The following CALN1 variants were observed in gnomAD, a reference collection of about 807,000 sequenced individuals.
CALN1 encodes the protein calcium-binding protein 8.
CALN1 carries 17 observed loss-of-function variants against 30.6 expected under a neutral mutation model. The ratio of observed to expected loss-of-function variants is 0.56; its 90% CI spans 0.38 to 0.83. CALN1 has a LOEUF of 0.83. CALN1 is among the 40% of genes least tolerant of loss of function. The pLI, the probability that CALN1 is intolerant of heterozygous loss-of-function variation, is 0.00. For missense variants in CALN1, 291 were observed against 354.9 expected (o/e 0.82, Z 1.45); for synonymous variants, 156 against 131.4 (o/e 1.19, Z -1.28).
chr7:71,803,818 C>G (rs1787445785), intron 6 of CALN1, among the ~76,000 whole-genome samples: 1 of 151,970 alleles, frequency 6.6e-6, no homozygotes, highest in African/African-American at 2.4e-5. Context: ...GAGTTTCATC[C>G]CATTTATTCT....
chr7:71,914,782 T>C (rs979300650), intron 5 of CALN1, among the ~76,000 whole-genome samples: 1 of 152,192 alleles, frequency 6.6e-6, no homozygotes, highest in Non-Finnish European at 1.5e-5. Context: ...TTGATCTGCA[T>C]TTCTCTAATG....
At chr7:72,371,366 T>C (rs1804232580) in intron 2 of CALN1, among the ~76,000 whole-genome samples, 2 of 152,170 alleles carry the variant, frequency 1.3e-5, no homozygotes, top group African/African-American at 2.4e-5. Context: ...CCCCTAAACA[T>C]GTTGTGGAAG....
rs1362681808 is a variant in CALN1 at position 71,785,008 on chromosome 7, T to C, written c.*2767A>G. ...AACTGTCCAAGCAAAGCAGCCAGGG[T>C]GCAAGTCACCGGGACAAACTCTGAG... On this transcript the variant is annotated 3_prime_UTR_variant, in exon 7 of 7. Coordinates refer to ENST00000395275, the MANE Select transcript of CALN1 (RefSeq NM_031468.4). The C allele has an allele frequency of 1.3e-5, 5 of 396,366 alleles. No homozygotes were observed. The highest frequency in any genetic ancestry group is 6.2e-5 in the African/African-American group (3 of 48,558). The allele number at this position is 396,366 out of a possible 1,614,324, so 24.6% of individuals were successfully genotyped here.
chr7:71,853,224 G>A (rs1412881014), intron 5 of CALN1, among the ~76,000 whole-genome samples: 2 of 151,966 alleles, frequency 1.3e-5, no homozygotes, highest in African/African-American at 4.8e-5. Context: ...TTACAGGCAT[G>A]AGCCACTGCA....
At chr7:71,792,980 C>T (rs940634832) in intron 6 of CALN1, among the ~76,000 whole-genome samples, 7 of 151,918 alleles carry the variant, frequency 4.6e-5, no homozygotes, top group African/African-American at 1.7e-4. Flanking sequence ...TGAGCAATCG[C>T]CTGGAGAATT....
chr7:71,982,596 A>G (rs1002510759), intron 5 of CALN1, among the ~76,000 whole-genome samples: 2 of 152,230 alleles, frequency 1.3e-5, no homozygotes, highest in Non-Finnish European at 2.9e-5. Flanking sequence ...CTCTGTCGCA[A>G]AACAAAACAG....
At chr7:72,360,025 T>A (rs1246571499) in intron 2 of CALN1, among the ~76,000 whole-genome samples, 3 of 141,488 alleles carry the variant, frequency 2.1e-5, no homozygotes, top group Non-Finnish European at 4.6e-5. Flanking sequence ...AAAATGTGAA[T>A]GTCCCAAAAT....
At chr7:72,361,310 T>C (rs752415799) in intron 2 of CALN1, among the ~76,000 whole-genome samples, 2 of 152,056 alleles carry the variant, frequency 1.3e-5, no homozygotes, top group Non-Finnish European at 2.9e-5. Flanking sequence ...TACCACCTAC[T>C]ATGAAATCCA....
chr7:72,041,963 T>C (rs1460212421), intron 4 of CALN1, among the ~76,000 whole-genome samples: 2 of 152,190 alleles, frequency 1.3e-5, no homozygotes, highest in African/African-American at 2.4e-5. Context: ...ATTAAAGCTA[T>C]TTCCTTTATA....
intron 5 of CALN1, among the ~76,000 whole-genome samples, chr7:72,009,126 G>A (rs1799935434): frequency 6.6e-6 from 1 of 152,050 alleles, no homozygotes; most frequent in Non-Finnish European, 1.5e-5. Flanking sequence ...AAACAAAAAA[G>A]CAGTTTATGA....
At chr7:71,806,218 TGAA>T (rs201975268) in intron 6 of CALN1, among the ~76,000 whole-genome samples, 2,551 of 135,342 alleles carry the variant, frequency 0.019, 30 homozygotes, top group Non-Finnish European at 0.02. Context: ...GTAAAATTAA[TGAA>T]GAAGCCAGGT....
intron 1 of CALN1, among the ~76,000 whole-genome samples, chr7:72,441,635 G>A (rs1008414393): frequency 1.2e-4 from 18 of 147,528 alleles, no homozygotes; most frequent in Non-Finnish European, 2.2e-4. Context: ...GGGAGAATGA[G>A]CTATAAGTCT....
upstream of CALN1, among the ~76,000 whole-genome samples, chr7:72,416,037 G>A (rs1188345623): frequency 1.3e-5 from 2 of 152,022 alleles, no homozygotes; most frequent in Admixed American, 6.6e-5. Context: ...CGTTCCCTTC[G>A]CCCTACCCTT....
At chr7:72,345,372 G>C (rs1388618328) in intron 2 of CALN1, among the ~76,000 whole-genome samples, 4 of 105,656 alleles carry the variant, frequency 3.8e-5, no homozygotes, top group South Asian at 3.0e-4. Context: ...AAGGAAGGAA[G>C]GAGAAAGAAA....
chr7:72,333,890 G>C (rs1345940905), intron 2 of CALN1, among the ~76,000 whole-genome samples: 1 of 152,116 alleles, frequency 6.6e-6, no homozygotes, highest in South Asian at 2.1e-4. Flanking sequence ...TTCACTCAAC[G>C]AATATAGGGC....
At chr7:72,225,215 G>C (rs1562763848) in intron 3 of CALN1, among the ~76,000 whole-genome samples, 1 of 152,022 alleles carries the variant, frequency 6.6e-6, no homozygotes, top group Non-Finnish European at 1.5e-5. Flanking sequence ...AAGAGGCCGG[G>C]CTCGGCTTTC....
At chr7:72,083,852 T>C (rs919118148) in intron 4 of CALN1, among the ~76,000 whole-genome samples, 3 of 147,952 alleles carry the variant, frequency 2.0e-5, no homozygotes, top group Admixed American at 1.4e-4. Flanking sequence ...CATATCTAAG[T>C]ACAGCACAGA....
chr7:72,416,542 C>G (rs1345756878), upstream of CALN1, among the ~76,000 whole-genome samples: 1 of 152,088 alleles, frequency 6.6e-6, no homozygotes, highest in Non-Finnish European at 1.5e-5. Context: ...CAAGACCAGC[C>G]TGGCCAACAT....
intron 5 of CALN1, among the ~76,000 whole-genome samples, chr7:71,917,652 G>A (rs1024994094): frequency 6.6e-6 from 1 of 152,146 alleles, no homozygotes; most frequent in Non-Finnish European, 1.5e-5. Context: ...GAGAATGAGT[G>A]CAAGTGGGGG....
Sources: gnomAD v4.1 joint callset for allele counts (sites outside exome capture counted in the v4.1 genomes callset) on GRCh38, gnomAD v4.1.1 for gene constraint, MANE v1.5 for transcripts, NCBI Gene and HGNC (gene_info 2026-07-23, HGNC 2026-07-21) for gene names.